The following NRXN1 variants were observed in gnomAD, a reference collection of about 807,000 sequenced individuals.
The protein encoded by NRXN1 is neurexin 1, also known as neurexin-1.
A neutral mutation model predicts 150.9 loss-of-function variants in NRXN1; 39 were observed. That is an observed-to-expected ratio of 0.26 (90% CI 0.20 to 0.34). The LOEUF (loss-of-function observed/expected upper bound fraction) is 0.34, where lower values mean the gene tolerates loss of function less well. NRXN1 is among the 10% of genes least tolerant of loss of function. NRXN1 has a pLI of 1.00. For synonymous variants in NRXN1, 924 were observed against 757.0 expected (o/e 1.22, Z -3.62); for missense variants, 1,815 against 1,949.9 (o/e 0.93, Z 1.30).
chr2:50,764,033 T>G (rs78335342), intron 5 of NRXN1, among the ~76,000 whole-genome samples: 3 of 151,690 alleles, frequency 2.0e-5, no homozygotes, highest in African/African-American at 7.2e-5. Context: ...TTTTTTTTTT[T>G]TGCTAAAGGA....
intron 17 of NRXN1, among the ~76,000 whole-genome samples, chr2:50,412,076 G>A (rs983742971): frequency 3.3e-5 from 5 of 152,038 alleles, no homozygotes; most frequent in East Asian, 3.9e-4. Flanking sequence ...GATGAAGGGC[G>A]GTGCAAGATG....
At chr2:50,812,848 G>C (rs1251428701) in intron 5 of NRXN1, among the ~76,000 whole-genome samples, 3 of 151,260 alleles carry the variant, frequency 2.0e-5, no homozygotes, top group Admixed American at 2.0e-4. Context: ...AGAATACACT[G>C]ATCTAGTGAG....
intron 2 of NRXN1, among the ~76,000 whole-genome samples, chr2:50,989,361 C>CT (rs1698199004): frequency 6.6e-6 from 1 of 151,854 alleles, no homozygotes; most frequent in African/African-American, 2.4e-5. Context: ...AAAAATTACC[C>CT]TTATAAGTGG....
At chr2:50,777,738 A>G (rs547742441) in intron 5 of NRXN1, among the ~76,000 whole-genome samples, 26 of 152,204 alleles carry the variant, frequency 1.7e-4, no homozygotes, top group Non-Finnish European at 3.2e-4. Flanking sequence ...TCTAACCAGT[A>G]TAAGTCCACA....
At chr2:50,102,501 T>G (rs1010431453) in intron 18 of NRXN1, among the ~76,000 whole-genome samples, 1 of 152,098 alleles carries the variant, frequency 6.6e-6, no homozygotes, top group African/African-American at 2.4e-5. Flanking sequence ...ACTATACTCC[T>G]GGCACTCTGT....
chr2:50,734,041 C>A (rs190679550), intron 5 of NRXN1, among the ~76,000 whole-genome samples: 1 of 151,982 alleles, frequency 6.6e-6, no homozygotes, highest in South Asian at 2.1e-4. Context: ...GGTGATTTTG[C>A]CCCCCAAGGG....
intron 5 of NRXN1, among the ~76,000 whole-genome samples, chr2:50,801,474 A>G (rs1308722892): frequency 6.6e-6 from 1 of 152,182 alleles, no homozygotes; most frequent in Non-Finnish European, 1.5e-5. Context: ...ATAATGATGC[A>G]GGATCTGTGG....
intron 17 of NRXN1, among the ~76,000 whole-genome samples, chr2:50,292,253 A>C (rs895240167): frequency 6.6e-6 from 1 of 152,188 alleles, no homozygotes; most frequent in African/African-American, 2.4e-5. Flanking sequence ...CACTGTCCAT[A>C]ATTAAGTTAT....
chr2:50,843,037 G>C (rs1194913904), intron 5 of NRXN1, among the ~76,000 whole-genome samples: 1 of 152,172 alleles, frequency 6.6e-6, no homozygotes, highest in East Asian at 1.9e-4. Flanking sequence ...AAAAGTCTAT[G>C]TGTATAGTAC....
intron 15 of NRXN1, among the ~76,000 whole-genome samples, chr2:50,477,580 G>C (rs2090093144): frequency 1.3e-5 from 2 of 152,204 alleles, no homozygotes; most frequent in African/African-American, 2.4e-5. Flanking sequence ...GTAGCAGAAT[G>C]CAAGTGTCAA....
chr2:49,933,152 T>C (rs894934241), intron 22 of NRXN1, among the ~76,000 whole-genome samples: 1 of 152,120 alleles, frequency 6.6e-6, no homozygotes, highest in Non-Finnish European at 1.5e-5. Context: ...AGTGGCGCGG[T>C]CTCAGCTCAC....
intron 17 of NRXN1, among the ~76,000 whole-genome samples, chr2:50,418,815 TA>T (rs2083750489): frequency 1.3e-5 from 2 of 152,024 alleles, no homozygotes; most frequent in African/African-American, 4.8e-5. Flanking sequence ...GTAATAAAAA[TA>T]TTAAAATATA....
At chr2:49,947,346 C>G (rs1673089258) in intron 21 of NRXN1, among the ~76,000 whole-genome samples, 1 of 151,886 alleles carries the variant, frequency 6.6e-6, no homozygotes, top group South Asian at 2.1e-4. Flanking sequence ...GATATTGCCA[C>G]CTTTTCCTTC....
chr2:50,519,634 A>G (rs2092729950), intron 12 of NRXN1, among the ~76,000 whole-genome samples: 1 of 151,888 alleles, frequency 6.6e-6, no homozygotes. Context: ...TGATCTTCCT[A>G]AGGTAAGATT....
At chr2:50,312,452 C>A (rs1291614785) in intron 17 of NRXN1, among the ~76,000 whole-genome samples, 1 of 151,246 alleles carries the variant, frequency 6.6e-6, no homozygotes, top group African/African-American at 2.4e-5. Flanking sequence ...TCTTGGGAAA[C>A]TTTGCAGTTT....
chr2:50,124,799 T>TA (rs1235214539), intron 18 of NRXN1, among the ~76,000 whole-genome samples: 1 of 152,170 alleles, frequency 6.6e-6, no homozygotes, highest in Non-Finnish European at 1.5e-5. Context: ...CTTAAATGTT[T>TA]AAAATATATC....
chr2:50,168,234 G>C (rs1267873778), intron 18 of NRXN1, among the ~76,000 whole-genome samples: 9 of 152,118 alleles, frequency 5.9e-5, no homozygotes, highest in Non-Finnish European at 1.0e-4. Context: ...GCAAATACTG[G>C]ACTGTGGAAA....
intron 13 of NRXN1, among the ~76,000 whole-genome samples, chr2:50,501,620 A>G (rs569609795): frequency 6.6e-6 from 1 of 151,158 alleles, no homozygotes; most frequent in East Asian, 1.9e-4. Context: ...ATGTTGTTCC[A>G]TAAAGGACAT....
intron 2 of NRXN1, among the ~76,000 whole-genome samples, chr2:50,936,489 C>T (rs1292202215): frequency 6.6e-6 from 1 of 152,092 alleles, no homozygotes; most frequent in Non-Finnish European, 1.5e-5. Flanking sequence ...AGTTGTGCAA[C>T]ATGTACAGTA....
Sources: allele counts gnomAD v4.1 joint callset (sites outside exome capture counted in the v4.1 genomes callset), GRCh38; gene constraint gnomAD v4.1.1; transcripts MANE v1.5; gene names NCBI Gene and HGNC (gene_info 2026-07-23, HGNC 2026-07-21).